The following REDIC1 variants were observed in gnomAD, a reference collection of about 807,000 sequenced individuals.
The protein encoded by REDIC1 is regulator of DNA class I crossover intermediates 1, also known as HEI10 Interacting Protein 1.
the REDIC1 span, among the ~76,000 whole-genome samples, chr12:39,641,564 A>G: frequency 1.3e-5 from 2 of 151,706 alleles, no homozygotes; most frequent in Non-Finnish European, 3.0e-5. Flanking sequence ...TTAGCAGTAG[A>G]ATAGTAGAAT....
the REDIC1 span, among the ~76,000 whole-genome samples, chr12:39,681,593 A>G: frequency 1.3e-5 from 2 of 152,226 alleles, no homozygotes; most frequent in East Asian, 1.9e-4. Flanking sequence ...TGCATACTAT[A>G]TACTGTGTCT....
At chr12:39,643,629 A>G in the REDIC1 span, 2 of 555,722 alleles carry the variant, frequency 3.6e-6, no homozygotes, top group Admixed American at 3.8e-5. Flanking sequence ...AGTTATGATT[A>G]ATTGTAATGT....
the REDIC1 span, chr12:39,646,596 C>T: frequency 8.6e-6 from 7 of 811,870 alleles, no homozygotes; most frequent in Non-Finnish European, 1.3e-5. Flanking sequence ...CAGTATTATG[C>T]AATGATTAAG....
At chr12:39,711,859 G>C in the REDIC1 span, among the ~76,000 whole-genome samples, 1 of 75,404 alleles carries the variant, frequency 1.3e-5, no homozygotes, top group Admixed American at 1.2e-4. Flanking sequence ...GCATGTGTAT[G>C]TGTATACACG....
the REDIC1 span, among the ~76,000 whole-genome samples, chr12:39,896,416 GTA>G: frequency 8.7e-6 from 1 of 115,508 alleles, no homozygotes; most frequent in Non-Finnish European, 1.7e-5. Context: ...ATATATGTAT[GTA>G]TATGTGTATA....
chr12:39,639,976 A>G, the REDIC1 span, among the ~76,000 whole-genome samples: 1 of 151,842 alleles, frequency 6.6e-6, no homozygotes, highest in Non-Finnish European at 1.5e-5. Context: ...TCTTATAACC[A>G]TTAAATACTG....
At chr12:39,712,389 TAC>T in the REDIC1 span, among the ~76,000 whole-genome samples, 4 of 133,500 alleles carry the variant, frequency 3.0e-5, no homozygotes, top group South Asian at 2.3e-4. Context: ...CCTATATATA[TAC>T]CTGTATGTAT....
the REDIC1 span, among the ~76,000 whole-genome samples, chr12:39,867,202 T>C: frequency 5.3e-5 from 8 of 152,214 alleles, no homozygotes; most frequent in Non-Finnish European, 1.0e-4. Flanking sequence ...CCATATCTTA[T>C]TGCCATGCAA....
chr12:39,841,339 G>A, the REDIC1 span, among the ~76,000 whole-genome samples: 1 of 152,068 alleles, frequency 6.6e-6, no homozygotes. Context: ...TCCTTTTAAT[G>A]AATTATTGGG....
At chr12:39,660,132 G>T in the REDIC1 span, among the ~76,000 whole-genome samples, 1 of 152,116 alleles carries the variant, frequency 6.6e-6, no homozygotes. Flanking sequence ...CTTACCTTGG[G>T]TGGTTCTTTT....
chr12:39,794,598 G>A, the REDIC1 span, among the ~76,000 whole-genome samples: 4 of 152,138 alleles, frequency 2.6e-5, no homozygotes, highest in Non-Finnish European at 5.9e-5. Context: ...TTCAAAGAAG[G>A]CAAAGGCAGA....
the REDIC1 span, among the ~76,000 whole-genome samples, chr12:39,649,820 A>G: frequency 6.6e-6 from 1 of 151,992 alleles, no homozygotes; most frequent in Non-Finnish European, 1.5e-5. Context: ...ATTCAGAAAA[A>G]TTAAAGTAGC....
the REDIC1 span, among the ~76,000 whole-genome samples, chr12:39,880,612 A>G: frequency 6.6e-6 from 1 of 152,206 alleles, no homozygotes; most frequent in East Asian, 1.9e-4. Flanking sequence ...ATATTAGAAA[A>G]TAATTTTCAT....
the REDIC1 span, among the ~76,000 whole-genome samples, chr12:39,705,202 G>A: frequency 3.3e-5 from 5 of 151,950 alleles, no homozygotes; most frequent in African/African-American, 1.2e-4. Context: ...CCAATAAGTT[G>A]GAAAATCTAG....
chr12:39,847,605 T>G, the REDIC1 span, among the ~76,000 whole-genome samples: 2 of 152,018 alleles, frequency 1.3e-5, no homozygotes, highest in Non-Finnish European at 2.9e-5. Context: ...GACATTTGTA[T>G]GGGTACAGTA....
At chr12:39,699,010 T>C in the REDIC1 span, among the ~76,000 whole-genome samples, 76 of 152,188 alleles carry the variant, frequency 5.0e-4, no homozygotes, top group African/African-American at 1.7e-3. Flanking sequence ...ATAAATGACA[T>C]TGAAATGAAG....
At chr12:39,658,314 ACCTCAAGTGATCCACCTGCCTCAG>A in the REDIC1 span, among the ~76,000 whole-genome samples, 1 of 152,082 alleles carries the variant, frequency 6.6e-6, no homozygotes, top group Non-Finnish European at 1.5e-5. Flanking sequence ...CGAACTCCTG[ACCTCAAGTGATCCACCTGCCTCAG>A]CCTCCCAAAG....
At chr12:39,654,378 G>C in the REDIC1 span, among the ~76,000 whole-genome samples, 1 of 152,076 alleles carries the variant, frequency 6.6e-6, no homozygotes, top group Non-Finnish European at 1.5e-5. Flanking sequence ...ACGAGGTCAG[G>C]AGATCGAGAT....
the REDIC1 span, among the ~76,000 whole-genome samples, chr12:39,730,910 A>G: frequency 6.6e-6 from 1 of 152,036 alleles, no homozygotes; most frequent in Non-Finnish European, 1.5e-5. Context: ...TTGATCTTGA[A>G]TCTCTGATAG....
Sources: gnomAD v4.1 joint callset for allele counts (sites outside exome capture counted in the v4.1 genomes callset) on GRCh38, gnomAD v4.1.1 for gene constraint, MANE v1.5 for transcripts, NCBI Gene and HGNC (gene_info 2026-07-23, HGNC 2026-07-21) for gene names.